SYNDIG1: variants seen among roughly 807,000 people sequenced by gnomAD.
SYNDIG1 encodes synapse differentiation inducing 1.
SYNDIG1 carries 9 observed loss-of-function variants against 19.4 expected under a neutral mutation model. The observed-to-expected ratio is 0.46, with a 90% CI of 0.28 to 0.81. The LOEUF is 0.81. Ranked by LOEUF, SYNDIG1 falls within the 30% of genes least tolerant of loss-of-function variation. SYNDIG1 has a pLI of 0.12. For missense variants in SYNDIG1, 311 were observed against 343.3 expected (o/e 0.91, Z 0.74); for synonymous variants, 141 against 145.9 (o/e 0.97, Z 0.24).
At chr20:24,550,016 C>A (rs534964746) in intron 2 of SYNDIG1, among the ~76,000 whole-genome samples, 1 of 152,256 alleles carries the variant, frequency 6.6e-6, no homozygotes, top group South Asian at 2.1e-4. Context: ...GCTTCTGGGT[C>A]CTGGGTTTCA....
chr20:24,652,411 T>A (rs1262688453), intron 3 of SYNDIG1, among the ~76,000 whole-genome samples: 2 of 152,170 alleles, frequency 1.3e-5, no homozygotes, highest in East Asian at 3.9e-4. Flanking sequence ...AAAACTTATA[T>A]GAGCTCCTCC....
At chr20:24,475,207 A>G (rs2055583943) in intron 1 of SYNDIG1, among the ~76,000 whole-genome samples, 1 of 152,242 alleles carries the variant, frequency 6.6e-6, no homozygotes, top group African/African-American at 2.4e-5. Flanking sequence ...TAATGGGATT[A>G]AGTCCTGGGA....
intron 3 of SYNDIG1, among the ~76,000 whole-genome samples, chr20:24,660,840 C>T (rs1437140668): frequency 6.6e-6 from 1 of 152,242 alleles, no homozygotes; most frequent in Non-Finnish European, 1.5e-5. Context: ...TTGTTCCCTG[C>T]CCAGCCAGGG....
At chr20:24,492,494 G>GTT (rs1227608688) in intron 1 of SYNDIG1, among the ~76,000 whole-genome samples, 1 of 152,190 alleles carries the variant, frequency 6.6e-6, no homozygotes, top group Non-Finnish European at 1.5e-5. Flanking sequence ...TCCCCTGCAG[G>GTT]ATAAAGGACA....
chr20:24,542,978 A>G (rs1368235549), intron 1 of SYNDIG1, 42 bp from the exon 2 acceptor site: 2 of 1,457,206 alleles, frequency 1.4e-6, no homozygotes, highest in East Asian at 4.6e-5. Flanking sequence ...CTTGTTTTCA[A>G]GTGTGATTCT....
intron 3 of SYNDIG1, chr20:24,597,231 TAA>T (rs2058609622): frequency 6.6e-6 from 1 of 152,202 alleles, no homozygotes; most frequent in African/African-American, 2.4e-5. Context: ...TGTCTGCACA[TAA>T]AAGTGCAGTT....
intron 1 of SYNDIG1, among the ~76,000 whole-genome samples, chr20:24,528,951 A>C (rs748352800): frequency 1.3e-5 from 2 of 152,352 alleles, no homozygotes; most frequent in South Asian, 4.1e-4. Flanking sequence ...AAGGCACATT[A>C]AGAGTGTGAA....
At chr20:24,480,051 C>T (rs1388484749) in intron 1 of SYNDIG1, among the ~76,000 whole-genome samples, 1 of 152,216 alleles carries the variant, frequency 6.6e-6, no homozygotes, top group Admixed American at 6.5e-5. Context: ...CCTCCCCCAC[C>T]TGCAGTTGGC....
intron 3 of SYNDIG1, among the ~76,000 whole-genome samples, chr20:24,613,390 CTGCATGCCCAGATTTGGTGCAGTCTCCT>C (rs2058879370): frequency 6.6e-6 from 1 of 152,202 alleles, no homozygotes; most frequent in Non-Finnish European, 1.5e-5. Flanking sequence ...CTGAACAGAG[CTGCATGCCCAGATTTGGTGCAGTCTCCT>C]TGCTGGCCTC....
At chr20:24,512,108 A>AATATATATATAT (rs56002733) in intron 1 of SYNDIG1, among the ~76,000 whole-genome samples, 50 of 76,536 alleles carry the variant, frequency 6.5e-4, no homozygotes, top group South Asian at 1.0e-3. Context: ...TGGTCTTTAA[A>AATATATATATAT]ATATATATAT....
At chr20:24,572,723 C>T (rs1469005718) in intron 2 of SYNDIG1, among the ~76,000 whole-genome samples, 1 of 152,192 alleles carries the variant, frequency 6.6e-6, no homozygotes, top group Admixed American at 6.5e-5. Context: ...GGATGGATCT[C>T]AAGAGTGGAA....
intron 3 of SYNDIG1, among the ~76,000 whole-genome samples, chr20:24,608,464 T>A (rs543009533): frequency 6.6e-6 from 1 of 152,066 alleles, no homozygotes; most frequent in Non-Finnish European, 1.5e-5. Context: ...CAAGCGTGAG[T>A]CACCGCGCCC....
chr20:24,495,516 G>C (rs932741860), intron 1 of SYNDIG1: 1 of 152,366 alleles, frequency 6.6e-6, no homozygotes, highest in African/African-American at 2.4e-5. Context: ...TCTGGGGCCA[G>C]GAGGGCGGCT....
intron 1 of SYNDIG1, among the ~76,000 whole-genome samples, chr20:24,515,567 A>G (rs567647589): frequency 6.6e-6 from 1 of 152,044 alleles, no homozygotes; most frequent in South Asian, 2.1e-4. Context: ...GAGCCAAATC[A>G]TGAGTGAACT....
At chr20:24,518,618 A>T (rs1453019438) in intron 1 of SYNDIG1, among the ~76,000 whole-genome samples, 1 of 152,114 alleles carries the variant, frequency 6.6e-6, no homozygotes, top group Non-Finnish European at 1.5e-5. Context: ...ACTTCTTGTG[A>T]CGCTCTGGGC....
At chr20:24,608,618 A>G (rs1166343625) in intron 3 of SYNDIG1, among the ~76,000 whole-genome samples, 4 of 152,210 alleles carry the variant, frequency 2.6e-5, no homozygotes, top group African/African-American at 9.7e-5. Flanking sequence ...GGAGGAATAC[A>G]CAGGATATTA....
chr20:24,527,265 G>A (rs2057142913), intron 1 of SYNDIG1, among the ~76,000 whole-genome samples: 1 of 151,910 alleles, frequency 6.6e-6, no homozygotes, highest in Admixed American at 6.6e-5. Context: ...TTTCTTAGCT[G>A]TGTCTATTCT....
intron 3 of SYNDIG1, among the ~76,000 whole-genome samples, chr20:24,622,292 G>A (rs1187883507): frequency 1.3e-5 from 2 of 152,238 alleles, no homozygotes; most frequent in African/African-American, 2.4e-5. Context: ...TTGAGGATAG[G>A]TGAAAGGAAA....
intron 2 of SYNDIG1, among the ~76,000 whole-genome samples, chr20:24,551,083 A>G (rs1049551521): frequency 6.6e-6 from 1 of 152,148 alleles, no homozygotes; most frequent in African/African-American, 2.4e-5. Flanking sequence ...TAGTATTGGT[A>G]TGATTTCTTT....
Sources: gnomAD v4.1 joint callset for allele counts (sites outside exome capture counted in the v4.1 genomes callset) on GRCh38, gnomAD v4.1.1 for gene constraint, MANE v1.5 for transcripts, NCBI Gene and HGNC (gene_info 2026-07-23, HGNC 2026-07-21) for gene names.